SLC66A1: variants seen among roughly 807,000 people sequenced by gnomAD.
SLC66A1 encodes the protein lysosomal amino acid transporter 1 homolog.
Under a neutral mutation model 33.0 loss-of-function variants are expected in SLC66A1, and 23 were observed. The ratio of observed to expected loss-of-function variants is 0.70; its 90% CI spans 0.50 to 0.99. SLC66A1 has a LOEUF of 0.99. Ranked by LOEUF, SLC66A1 falls within the 50% of genes least tolerant of loss-of-function variation. The probability of loss-of-function intolerance (pLI) is 0.00; values close to 1 mark genes in which losing one functional copy is unlikely to be tolerated. For synonymous variants in SLC66A1, 164 were observed against 175.5 expected, an observed-to-expected ratio of 0.93 and a Z score of 0.52; for missense variants, 335 against 383.6, an observed-to-expected ratio of 0.87 and a Z score of 1.06.
rs1179697562 is a variant in SLC66A1, at chr1:19,328,732, T to A, written c.*89T>A. On this transcript the variant is annotated 3_prime_UTR_variant, in exon 8 of 8. Coordinates refer to ENST00000375153, the MANE Select transcript of SLC66A1 (RefSeq NM_001040125.2). The surrounding 1 kb of genome is among the most constrained non-coding windows in gnomAD (Gnocchi z 4.7). The stretch of plus-strand genomic sequence containing the variant: ...GTGGACAGTGATGGTACGGCGGCCC[T>A]GCATCAGCCTGCGGGTGGCCTCTGG... The A allele has an allele frequency of 1.4e-6, 2 of 1,400,174 alleles. No individual in the cohort carries two copies. The highest frequency in any genetic ancestry group is 2.0e-6 in the Non-Finnish European group (2 of 1,016,266). 86.7% of individuals were successfully genotyped at this position (1,400,174 alleles called of 1,614,324 possible). A position where few individuals can be genotyped will look rare whatever the true frequency, so the allele number is the denominator to read the frequency against.
intron 4 of SLC66A1, among the ~76,000 whole-genome samples, chr1:19,325,845 C>G (rs2093862996): frequency 6.6e-6 from 1 of 152,198 alleles, no homozygotes; most frequent in African/African-American, 2.4e-5. Context: ...ACAGCTCCAG[C>G]TCCTCCTCTG....
chr1:19,323,660 A>G (rs2093848756), intron 2 of SLC66A1, among the ~76,000 whole-genome samples: 1 of 151,500 alleles, frequency 6.6e-6, no homozygotes, highest in African/African-American at 2.4e-5. Flanking sequence ...ACCCTCCTCA[A>G]CCTCCCAAAG....
At chr1:19,315,466 C>T (rs1052363016) in intron 1 of SLC66A1, among the ~76,000 whole-genome samples, 4 of 152,202 alleles carry the variant, frequency 2.6e-5, no homozygotes, top group South Asian at 4.1e-4. Context: ...TGAGGGTCTA[C>T]GGCTTCCTGA....
At position 19,326,596 on chromosome 1, in the gene SLC66A1, T is replaced by C. The variant is rs36093020; in HGVS notation, c.591T>C (p.Leu197=). 7,720 of 1,614,180 alleles carry C rather than the reference T, an allele frequency of 4.8e-3. 327 individuals are homozygous for C. The African/African-American group carries it at 0.09, about 19-fold the overall frequency. The change falls in exon 6 of 8, where the codon CTT becomes CTC. Residue 197 remains leucine (L), a synonymous_variant. Coordinates refer to ENST00000375153, the MANE Select transcript of SLC66A1 (RefSeq NM_001040125.2). The stretch of plus-strand genomic sequence containing the variant: ...CCATCTCCAGCGTGTTGTACCTGCT[T>C]TCCCGGCTGCCTCAGATCCGCACCA... The part of the protein sequence containing the change: ...IGSISSVLYL[L]SRLPQIRTNF...
rs977242827 is a variant in SLC66A1, at chr1:19,327,492, C to T, written c.804+80C>T. 8 of 1,481,944 alleles carry T rather than the reference C, an allele frequency of 5.4e-6. No homozygotes were observed. The African/African-American group carries it at 9.7e-5, about 18-fold the overall frequency. 91.8% of individuals were successfully genotyped at this position (1,481,944 alleles called of 1,614,324 possible). On this transcript the variant is annotated intron_variant, in intron 7 of 7. Transcript: ENST00000375153. ...CCTGCACACAGCGTCAGCACTCATCCGTCTCTTCCTCCCTTCATCCATCCG... is the reference window on the plus strand; with the variant it reads ...CCTGCACACAGCGTCAGCACTCATCTGTCTCTTCCTCCCTTCATCCATCCG...
rs913147074 is a variant in SLC66A1, at chr1:19,327,208, T to G, written c.619-19T>G. On this transcript the variant is annotated intron_variant, in intron 6 of 7. Coordinates refer to ENST00000375153, the MANE Select transcript of SLC66A1 (RefSeq NM_001040125.2). ...AGAGGCCTGTTCGAGGTCTCTGACC[T>G]GACCTCCTCCTGCCCCAGTTCCTCC... is the stretch of plus-strand genomic sequence containing the variant. 6.2e-7 allele frequency: 1 copy of G among 1,603,884 alleles called. No individual in the cohort carries two copies. The highest frequency in any genetic ancestry group is 2.2e-5 in the East Asian group (1 of 44,802).
At chr1:19,313,173 C>T in intron 1 of SLC66A1, 3 of 985,132 alleles carry the variant, frequency 3.0e-6, no homozygotes, top group Non-Finnish European at 3.6e-6. Context: ...ATGAGAACTA[C>T]GAAGCTCAAT....
At chr1:19,333,541 T>C (rs1196011776), downstream of SLC66A1, among the ~76,000 whole-genome samples, 2 of 152,086 alleles carry the variant, frequency 1.3e-5, no homozygotes, top group African/African-American at 4.8e-5. This position sits in a 1 kb window ranked among gnomAD's most constrained non-coding sequence, Gnocchi z 4.2. Context: ...CCTTCACCAC[T>C]CTCCACCCTT....
intron 3 of SLC66A1, 30 bp downstream of exon 3, chr1:19,324,792 A>G (rs2152010821): frequency 6.2e-7 from 1 of 1,612,038 alleles, no homozygotes; most frequent in Non-Finnish European, 8.5e-7. Flanking sequence ...AGGTGGCGCT[A>G]CCCCTAACCC....
intron 1 of SLC66A1, among the ~76,000 whole-genome samples, chr1:19,315,998 G>A (rs2073097): frequency 0.31 from 46,928 of 152,016 alleles, 7,374 homozygotes; most frequent in Middle Eastern, 0.36. Context: ...TCACCGGTCC[G>A]AGCTGTGGTG....
intron 1 of SLC66A1, chr1:19,313,135 G>A: frequency 3.3e-6 from 3 of 911,972 alleles, no homozygotes; most frequent in Non-Finnish European, 3.9e-6. Flanking sequence ...CTAGGTGGTG[G>A]GTATTGCATT....
chr1:19,327,596 CA>C (rs2093876180), intron 7 of SLC66A1, 184 bp downstream of exon 7: 1 of 803,904 alleles, frequency 1.2e-6, no homozygotes, highest in East Asian at 2.7e-5. Flanking sequence ...GTGTGCCAGG[CA>C]CCCAGCTGGA....
intron 1 of SLC66A1, among the ~76,000 whole-genome samples, chr1:19,315,682 G>T (rs780630069): frequency 6.6e-6 from 1 of 152,214 alleles, no homozygotes; most frequent in African/African-American, 2.4e-5. Context: ...CTTTCTGGCT[G>T]TGCAGTCATG....
chr1:19,313,308 C>T (rs2151993983), intron 1 of SLC66A1: 1 of 912,166 alleles, frequency 1.1e-6, no homozygotes, highest in Admixed American at 6.7e-5. Flanking sequence ...TCTTCTCTCT[C>T]TTCCACCCTT....
At chr1:19,316,236 C>G in intron 1 of SLC66A1, among the ~76,000 whole-genome samples, 1 of 152,200 alleles carries the variant, frequency 6.6e-6, no homozygotes, top group East Asian at 1.9e-4. Context: ...CTGTGAGCTC[C>G]TGGGAGAATA....
chr1:19,318,200 G>A (rs74058552), intron 2 of SLC66A1, among the ~76,000 whole-genome samples: 4,020 of 152,280 alleles, frequency 0.026, 174 homozygotes, highest in African/African-American at 0.091. Context: ...ACCCAGAGAA[G>A]TTAAGCAATT....
chr1:19,313,314 CCCTTTCT>C (rs1169438237), intron 1 of SLC66A1: 3 of 884,494 alleles, frequency 3.4e-6, no homozygotes, highest in Non-Finnish European at 4.0e-6. Context: ...CTCTCTTCCA[CCCTTTCT>C]CCTTTCTCAC....
At chr1:19,325,640 GGGGGGGGCGCCTGGA>G in intron 4 of SLC66A1, 58 bp downstream of exon 4, 1 of 1,166,860 alleles carries the variant, frequency 8.6e-7, no homozygotes, top group Non-Finnish European at 1.2e-6. Flanking sequence ...GGCAGTTGTG[GGGGGGGGCGCCTGGA>G]GTGTGGGAGG....
Position 19,326,586 on chromosome 1 carries a change from T to C in SLC66A1, c.581T>C (p.Leu194Ser). Residue 194 changes from leucine to serine, a missense_variant, in exon 6 of 8, where the codon TTG becomes TCG. Physicochemically the swap from Leu to Ser is moderately radical, Grantham distance 145 (BLOSUM62 -2). Coordinates refer to ENST00000375153, the MANE Select transcript of SLC66A1 (RefSeq NM_001040125.2). Reference sequence around the variant, plus strand: ...GTCATCGGCTCCATCTCCAGCGTGTTGTACCTGCTTTCCCGGCTGCCTCAG... The same window carrying C: ...GTCATCGGCTCCATCTCCAGCGTGTCGTACCTGCTTTCCCGGCTGCCTCAG... ...GFVIGSISSV[L>S]YLLSRLPQIR... The C allele has an allele frequency of 6.2e-7, 1 of 1,614,198 alleles. No individual in the cohort carries two copies. The highest frequency in any genetic ancestry group is 8.5e-7 in the Non-Finnish European group (1 of 1,180,026).
Sources: allele counts gnomAD v4.1 joint callset (sites outside exome capture counted in the v4.1 genomes callset), GRCh38; gene constraint gnomAD v4.1.1; non-coding constraint Gnocchi (gnomAD v3.1); transcripts MANE v1.5; gene names NCBI Gene and HGNC (gene_info 2026-07-23, HGNC 2026-07-21).